The following ADGRL2 variants were observed in gnomAD, a reference collection of about 807,000 sequenced individuals.
The protein encoded by ADGRL2 is calcium-independent alpha-latrotoxin receptor 2.
ADGRL2 carries 44 observed loss-of-function variants against 157.4 expected under a neutral mutation model. The observed-to-expected ratio is 0.28, with a 90% CI of 0.22 to 0.36. ADGRL2 has a LOEUF of 0.36. ADGRL2 is among the 10% of genes least tolerant of loss of function. ADGRL2 has a pLI of 1.00. For synonymous variants in ADGRL2, 585 were observed against 624.7 expected, an observed-to-expected ratio of 0.94 and a Z score of 0.95; for missense variants, 1,510 against 1,768.9, an observed-to-expected ratio of 0.85 and a Z score of 2.63.
intron 3 of ADGRL2, among the ~76,000 whole-genome samples, chr1:81,643,572 G>T (rs1439292407): frequency 6.6e-6 from 1 of 152,114 alleles, no homozygotes; most frequent in Middle Eastern, 3.2e-3. Context: ...GCTTCCCAAA[G>T]CTGTGGGATT....
intron 3 of ADGRL2, among the ~76,000 whole-genome samples, chr1:81,605,890 G>A (rs557512591): frequency 5.3e-5 from 8 of 152,242 alleles, no homozygotes; most frequent in Non-Finnish European, 1.0e-4. Flanking sequence ...GCTGTTAAAT[G>A]GAATTAAATG....
chr1:81,431,286 TG>T (rs2077315877), intron 1 of ADGRL2, among the ~76,000 whole-genome samples: 1 of 152,130 alleles, frequency 6.6e-6, no homozygotes, highest in African/African-American at 2.4e-5. Flanking sequence ...TCAAGGGAAT[TG>T]ACTACTAGTG....
chr1:81,494,563 ATAAAG>A (rs1430886431), intron 2 of ADGRL2, among the ~76,000 whole-genome samples: 1 of 152,166 alleles, frequency 6.6e-6, no homozygotes, highest in African/African-American at 2.4e-5. Context: ...ACTCTGAGAA[ATAAAG>A]TAACTTCCTC....
chr1:81,977,348 T>C (rs1056588350), intron 17 of ADGRL2, among the ~76,000 whole-genome samples: 1 of 151,848 alleles, frequency 6.6e-6, no homozygotes, highest in Admixed American at 6.6e-5. Context: ...GAGAAATGCA[T>C]TGAACAGTCT....
intron 1 of ADGRL2, among the ~76,000 whole-genome samples, chr1:81,343,762 A>C (rs112838589): frequency 6.6e-6 from 1 of 152,248 alleles, no homozygotes; most frequent in East Asian, 1.9e-4. Flanking sequence ...GAGAGCATAC[A>C]CTGGTGCTTC....
rs908499466 is a variant in ADGRL2, at chr1:81,976,684, A to G, written c.3022-3185A>G. Among the ~76,000 whole-genome samples, 3 of 152,110 alleles carry G rather than the reference A, an allele frequency of 2.0e-5. No homozygotes were observed. The East Asian group carries it at 5.8e-4, about 29-fold the overall frequency. ...AGCAATGTAAAAGTATAAATGACATAAACAGGTTTAGAAAAAATACAACTA... is the reference window on the plus strand; with the variant it reads ...AGCAATGTAAAAGTATAAATGACATGAACAGGTTTAGAAAAAATACAACTA... On this transcript the variant is annotated intron_variant, in intron 17 of 23. Coordinates refer to ENST00000686636, the MANE Select transcript of ADGRL2 (RefSeq NM_001366006.2).
chr1:81,710,084 T>A (rs532457878), intron 1 of ADGRL2, among the ~76,000 whole-genome samples: 51 of 152,304 alleles, frequency 3.3e-4, no homozygotes, highest in African/African-American at 1.2e-3. Context: ...AAATATTAAA[T>A]TGCAATTTAA....
In ADGRL2 at chr1:81,715,369, T is replaced by G. The variant is rs188190330; in HGVS notation, c.-143+15561T>G. Among the ~76,000 whole-genome samples, 460 of 152,200 alleles carry G rather than the reference T, an allele frequency of 3.0e-3. 2 individuals carry two copies. The highest frequency in any genetic ancestry group is 0.01 in the African/African-American group (433 of 41,534). ...AATATGTACTAGCTTTGAACAAACA[T>G]TTTATGCAGACATTAGGTCTAAACA... On this transcript the variant is annotated intron_variant, in intron 1 of 20. Coordinates refer to the ADGRL2 transcript ENST00000359929.
chr1:81,723,845 C>A (rs1191282623), intron 1 of ADGRL2, among the ~76,000 whole-genome samples: 1 of 152,012 alleles, frequency 6.6e-6, no homozygotes, highest in African/African-American at 2.4e-5. Context: ...TGTAATGCTG[C>A]AGTAGAATTG....
chr1:81,485,275 A>G (rs2078476626), intron 2 of ADGRL2, among the ~76,000 whole-genome samples: 1 of 152,072 alleles, frequency 6.6e-6, no homozygotes, highest in Non-Finnish European at 1.5e-5. Context: ...GATCAGAAAA[A>G]TTCAGAGGGA....
At chr1:81,750,620 A>T (rs2149264960) in intron 1 of ADGRL2, among the ~76,000 whole-genome samples, 1 of 152,208 alleles carries the variant, frequency 6.6e-6, no homozygotes, top group East Asian at 1.9e-4. Context: ...TGGGAGGCTG[A>T]GGCAGAGAAT....
intron 3 of ADGRL2, among the ~76,000 whole-genome samples, chr1:81,644,730 G>A (rs559156985): frequency 3.3e-5 from 5 of 152,256 alleles, no homozygotes; most frequent in African/African-American, 1.2e-4. Flanking sequence ...ATCAAGGTAG[G>A]TTCATCAGTT....
At chr1:81,878,193 A>C (rs1269851138) in intron 2 of ADGRL2, among the ~76,000 whole-genome samples, 4 of 152,076 alleles carry the variant, frequency 2.6e-5, no homozygotes, top group Admixed American at 6.5e-5. Flanking sequence ...TCCCTCAGGC[A>C]CAAGAAGACT....
chr1:81,724,080 T>C (rs1285963912), intron 1 of ADGRL2, among the ~76,000 whole-genome samples: 1 of 152,158 alleles, frequency 6.6e-6, no homozygotes, highest in African/African-American at 2.4e-5. Context: ...ATCACTGTTA[T>C]TATCATTAAT....
chr1:81,395,582 G>A (rs892628713), intron 1 of ADGRL2, among the ~76,000 whole-genome samples: 3 of 152,094 alleles, frequency 2.0e-5, no homozygotes, highest in African/African-American at 7.2e-5. Flanking sequence ...TATTCTTGCT[G>A]TGTTTTTGAG....
At chr1:81,749,238 T>C (rs2085412017) in intron 1 of ADGRL2, among the ~76,000 whole-genome samples, 1 of 152,004 alleles carries the variant, frequency 6.6e-6, no homozygotes, top group South Asian at 2.1e-4. Flanking sequence ...TTTAGACAGT[T>C]AAGAGTTTGC....
At chr1:81,508,261 T>C (rs1369223627) in intron 2 of ADGRL2, among the ~76,000 whole-genome samples, 1 of 152,232 alleles carries the variant, frequency 6.6e-6, no homozygotes, top group Non-Finnish European at 1.5e-5. Flanking sequence ...GATGCATGCA[T>C]GTTCTACCTT....
intron 1 of ADGRL2, among the ~76,000 whole-genome samples, chr1:81,421,310 T>C (rs116497513): frequency 0.012 from 1,871 of 152,320 alleles, 37 homozygotes; most frequent in Admixed American, 0.039. Context: ...GATGTGAACA[T>C]CATAACTAGA....
intron 10 of ADGRL2, among the ~76,000 whole-genome samples, chr1:81,955,057 G>A (rs1014933772): frequency 1.3e-5 from 2 of 152,122 alleles, no homozygotes; most frequent in African/African-American, 4.8e-5. Flanking sequence ...GCCTTCAGTT[G>A]ATTAACTGAG....
Sources: gnomAD v4.1 joint callset for allele counts (sites outside exome capture counted in the v4.1 genomes callset) on GRCh38, gnomAD v4.1.1 for gene constraint, MANE v1.5 for transcripts, NCBI Gene and HGNC (gene_info 2026-07-23, HGNC 2026-07-21) for gene names.